UGT2A1: variants seen among roughly 807,000 people sequenced by gnomAD.
UGT2A1 encodes the protein UDP-glucuronosyltransferase 2A1.
Under a neutral mutation model 45.4 loss-of-function variants are expected in UGT2A1, and 61 were observed. That is an observed-to-expected ratio of 1.34 (90% CI 1.09 to 1.66). The LOEUF (loss-of-function observed/expected upper bound fraction) is 1.66. Ranked by LOEUF, UGT2A1 falls within the 40% of genes most tolerant of loss-of-function variation. The pLI is 0.00. For missense variants in UGT2A1, 649 were observed against 574.3 expected (o/e 1.13, Z -1.33); for synonymous variants, 229 against 196.2 (o/e 1.17, Z -1.40).
chr4:69,634,159 G>A (rs1353032066), intron 3 of UGT2A1, among the ~76,000 whole-genome samples: 2 of 151,942 alleles, frequency 1.3e-5, no homozygotes, highest in Non-Finnish European at 2.9e-5. Flanking sequence ...GCAGGAGAAT[G>A]GCGTGAACCC....
rs2109906759 is a variant in UGT2A1, at chr4:69,606,787, CAG to C, written c.848-7395_848-7394del. ...TTCTTATACACCAATAACAGACAAACAGAGAGCCAAATCACGAGTGAGCTCCC... is the reference window on the plus strand; with the variant it reads ...TTCTTATACACCAATAACAGACAAACAGAGCCAAATCACGAGTGAGCTCCC... On this transcript the variant is annotated intron_variant, in intron 3 of 6. Transcript: ENST00000286604. 1.5e-5 allele frequency among the ~76,000 whole-genome samples: 2 copies of C among 136,700 alleles called. 1 individual carries two copies. The highest frequency in any genetic ancestry group is 4.8e-4 in the South Asian group (2 of 4,138). 89.7% of individuals were successfully genotyped at this position (136,700 alleles called of 152,430 possible). A position where few individuals can be genotyped will look rare whatever the true frequency, so the allele number is the denominator to read the frequency against.
At chr4:69,608,321 C>CA (rs11323266) in intron 3 of UGT2A1, among the ~76,000 whole-genome samples, 6 of 145,548 alleles carry the variant, frequency 4.1e-5, no homozygotes, top group Non-Finnish European at 7.4e-5. Context: ...ATCTCAAGGA[C>CA]AAAAAAACAA....
At chr4:69,652,565 C>G (rs947427131) in intron 1 of UGT2A1, among the ~76,000 whole-genome samples, 20 of 152,022 alleles carry the variant, frequency 1.3e-4, no homozygotes, top group Non-Finnish European at 2.6e-4. Flanking sequence ...GCCACCGCGC[C>G]TGGCCATTAT....
chr4:69,651,952 A>T (rs943099719), intron 1 of UGT2A1, among the ~76,000 whole-genome samples: 4 of 152,200 alleles, frequency 2.6e-5, no homozygotes, highest in Non-Finnish European at 5.9e-5. Context: ...AAGTCCTAGG[A>T]TCGAGGTTAA....
At chr4:69,636,370 A>G (rs1321525461) in intron 2 of UGT2A1, among the ~76,000 whole-genome samples, 1 of 152,150 alleles carries the variant, frequency 6.6e-6, no homozygotes, top group Non-Finnish European at 1.5e-5. Context: ...AAAATACAAA[A>G]TGGGGTTTTA....
Position 69,651,160 on chromosome 4 carries a change from C to T in UGT2A1, c.-55+2028G>A, listed in dbSNP as rs150815961. On this transcript the variant is annotated intron_variant, in intron 1 of 6. Transcript: ENST00000286604. ...TAAATTTTAGATTGATTTGTATTTTCGAATTTAATAGAAAACTAAATGAAG... is the reference window on the plus strand; with the variant it reads ...TAAATTTTAGATTGATTTGTATTTTTGAATTTAATAGAAAACTAAATGAAG... 9.3e-4 allele frequency among the ~76,000 whole-genome samples: 142 copies of T among 152,118 alleles called. 4 individuals carry two copies. The East Asian group carries it at 0.026, about 28-fold the overall frequency.
rs898771165 is a variant in UGT2A1 at position 69,646,035 on chromosome 4, C to T, written c.715+895G>A. ...ACTCACTCTGTCTGTCGCATAATAC[C>T]TAACTCCTCTACATTTTGTATTTTG... is the stretch of plus-strand genomic sequence containing the variant. On this transcript the variant is annotated intron_variant, in intron 2 of 6. Transcript: ENST00000286604. 2.0e-5 allele frequency among the ~76,000 whole-genome samples: 3 copies of T among 151,770 alleles called. No homozygotes were observed. In the South Asian group the frequency reaches 6.2e-4, roughly 31 times the overall value.
intron 2 of UGT2A1, among the ~76,000 whole-genome samples, chr4:69,644,948 G>A (rs577219930): frequency 2.6e-4 from 40 of 151,890 alleles, no homozygotes; most frequent in African/African-American, 8.4e-4. Context: ...AAGCTAATGT[G>A]TCAGTAGGTA....
chr4:69,625,003 C>CA (rs144107776), intron 3 of UGT2A1, among the ~76,000 whole-genome samples: 52,363 of 150,102 alleles, frequency 0.35, 9,437 homozygotes, highest in African/African-American at 0.42. Context: ...CTTGTAGCAA[C>CA]AAAAAAAATC....
rs67327460 is a variant in UGT2A1, at chr4:69,589,530, C to T, written c.1426G>A (p.Val476Ile). The T allele has an allele frequency of 0.022, 35,578 of 1,614,056 alleles. 461 individuals carry two copies. Among genetic ancestry groups the T allele is most frequent in the Non-Finnish European group, 0.026 (30,092 of 1,179,978 alleles). The part of the protein sequence containing the change: ...MRHKGAKHLR[V>I]AAHDLTWFQY... ...AACCAGGTGAGGTCATGGGCTGCAA[C>T]CCGAAGGTGCTTGGCTCCTTTGTGG... The change falls in exon 7 of 7, where the codon GTT becomes ATT. Residue 476 changes from valine (V) to isoleucine (I), a missense_variant. Physicochemically the swap from Val to Ile is conservative, Grantham distance 29 (BLOSUM62 3). Coordinates refer to ENST00000286604, the MANE Select transcript of UGT2A1 (RefSeq NM_001252275.3).
intron 3 of UGT2A1, among the ~76,000 whole-genome samples, chr4:69,612,060 AG>A (rs1194940424): frequency 6.6e-6 from 1 of 152,122 alleles, no homozygotes; most frequent in Non-Finnish European, 1.5e-5. Context: ...AATTCAAGCT[AG>A]AAAAGCATCT....
intron 2 of UGT2A1, among the ~76,000 whole-genome samples, chr4:69,643,843 A>G (rs1722143725): frequency 6.6e-6 from 1 of 151,650 alleles, no homozygotes; most frequent in African/African-American, 2.4e-5. Flanking sequence ...TAAATATAGA[A>G]GATCAATTCA....
intron 3 of UGT2A1, among the ~76,000 whole-genome samples, chr4:69,633,033 T>C (rs1369807505): frequency 2.0e-5 from 3 of 152,090 alleles, no homozygotes; most frequent in Non-Finnish European, 4.4e-5. Flanking sequence ...TAAGAGGATG[T>C]AGTAAAAAGT....
intron 3 of UGT2A1, among the ~76,000 whole-genome samples, chr4:69,619,442 T>TA (rs1442690453): frequency 6.7e-6 from 1 of 149,918 alleles, no homozygotes. Flanking sequence ...TAAAATAAAA[T>TA]AAATAAAGCC....
In UGT2A1 at chr4:69,590,473, G is replaced by A. The variant is rs1017973039; in HGVS notation, c.1305-822C>T. 8.5e-5 allele frequency among the ~76,000 whole-genome samples: 13 copies of A among 152,100 alleles called. No homozygotes were observed. The East Asian group carries it at 2.1e-3, about 25-fold the overall frequency. On this transcript the variant is annotated intron_variant, in intron 6 of 6. Transcript: ENST00000286604. ...ATTTTGGTTTGTGTCTGGAAGAAAA[G>A]TTCCAGCCTGGATTCATGAAGATGA...
intron 3 of UGT2A1, among the ~76,000 whole-genome samples, chr4:69,630,739 T>C (rs943998813): frequency 6.6e-6 from 1 of 152,144 alleles, no homozygotes; most frequent in African/African-American, 2.4e-5. Context: ...TTTTATTATG[T>C]TAGCGAACTG....
chr4:69,647,491 C>G lies in UGT2A1; in HGVS notation c.154G>C (p.Val52Leu). 1 of 1,613,050 alleles carries G rather than the reference C, an allele frequency of 6.2e-7. No homozygotes were observed. The highest frequency in any genetic ancestry group is 1.3e-5 in the African/African-American group (1 of 74,966). ...ELIKKEHNVTVLVASGALFIT... is the reference protein window; with the variant it reads ...ELIKKEHNVTLLVASGALFIT... ...AAAAGTGCACCAGAGGCAACTAGGA[C>G]AGTCACATTATGCTCCTTTTTAATG... Residue 52 changes from valine (V) to leucine (L), a missense_variant, in exon 2 of 7, where the codon GTC (valine) becomes CTC (leucine). Val to Leu is a conservative substitution (Grantham distance 32). Coordinates refer to ENST00000286604, the MANE Select transcript of UGT2A1 (RefSeq NM_001252275.3).
At chr4:69,627,456 ACAGGCAAGCAGGCAGG>A (rs1213692869) in intron 3 of UGT2A1, among the ~76,000 whole-genome samples, 1 of 150,008 alleles carries the variant, frequency 6.7e-6, no homozygotes, top group Non-Finnish European at 1.5e-5. Context: ...CCATAGGCAG[ACAGGCAAGCAGGCAGG>A]CAGGCAGGCA....
chr4:69,626,392 G>T (rs1400675258), intron 3 of UGT2A1, among the ~76,000 whole-genome samples: 1 of 150,778 alleles, frequency 6.6e-6, no homozygotes, highest in Non-Finnish European at 1.5e-5. Context: ...TTTTATATAC[G>T]TATGTATACA....
Sources: gnomAD v4.1 joint callset for allele counts (sites outside exome capture counted in the v4.1 genomes callset) on GRCh38, gnomAD v4.1.1 for gene constraint, MANE v1.5 for transcripts, NCBI Gene and HGNC (gene_info 2026-07-23, HGNC 2026-07-21) for gene names.